The following RUNX2 variants were observed in gnomAD, a reference collection of about 807,000 sequenced individuals.
RUNX2 encodes the protein RUNX family transcription factor 2.
In RUNX2, 10 loss-of-function variants were observed where a neutral mutation model predicts 51.7. The ratio of observed to expected loss-of-function variants is 0.19; its 90% CI spans 0.12 to 0.33. The LOEUF (loss-of-function observed/expected upper bound fraction) is 0.33, where lower values mean the gene tolerates loss of function less well. Ranked by LOEUF, RUNX2 falls within the 10% of genes least tolerant of loss-of-function variation. The pLI, the probability that RUNX2 is intolerant of heterozygous loss-of-function variation, is 1.00. For missense variants in RUNX2, 562 were observed against 691.3 expected (o/e 0.81, Z 2.10); for synonymous variants, 276 against 273.6 (o/e 1.01, Z -0.09).
chr6:45,435,017 A>G lies in RUNX2; in HGVS notation c.581-2930A>G, dbSNP rs555955364. ...ATATTTCTTCTGAAGGGGCAATAAG[A>G]AGCAGAAGGAGCCTCATTCACTTTT... On this transcript the variant is annotated intron_variant, in intron 4 of 8. Coordinates refer to ENST00000647337, the MANE Select transcript of RUNX2 (RefSeq NM_001024630.4). 7.2e-5 allele frequency among the ~76,000 whole-genome samples: 11 copies of G among 152,282 alleles called. No individual in the cohort carries two copies. In the South Asian group the frequency reaches 2.3e-3, roughly 32 times the overall value.
intron 5 of RUNX2, among the ~76,000 whole-genome samples, chr6:45,444,222 T>A (rs754584191): frequency 6.6e-6 from 1 of 152,222 alleles, no homozygotes; most frequent in African/African-American, 2.4e-5. Flanking sequence ...GCAAACCTAC[T>A]GCCTGACACA....
At chr6:45,448,427 G>A (rs955291373) in intron 5 of RUNX2, among the ~76,000 whole-genome samples, 73 of 152,234 alleles carry the variant, frequency 4.8e-4, no homozygotes, top group Middle Eastern at 3.4e-3. Context: ...TAGGGTAAAC[G>A]AATCAACGAA....
intron 5 of RUNX2, among the ~76,000 whole-genome samples, chr6:45,489,918 A>C (rs1038658074): frequency 2.0e-5 from 3 of 152,128 alleles, no homozygotes; most frequent in African/African-American, 7.2e-5. Context: ...CAGCCTTGGC[A>C]CCTCACTGGG....
chr6:45,339,513 C>T (rs1390700586), intron 2 of RUNX2, among the ~76,000 whole-genome samples: 2 of 152,028 alleles, frequency 1.3e-5, no homozygotes, highest in Non-Finnish European at 2.9e-5. Flanking sequence ...CCTTCCTTTT[C>T]TTCCAATAGA....
At chr6:45,503,640 T>C (rs1013175800) in intron 6 of RUNX2, among the ~76,000 whole-genome samples, 4 of 152,226 alleles carry the variant, frequency 2.6e-5, no homozygotes, top group African/African-American at 9.6e-5. Flanking sequence ...AGCTTTGCCG[T>C]TGAGATTCAG....
intron 2 of RUNX2, among the ~76,000 whole-genome samples, chr6:45,373,147 TCA>T (rs1321859430): frequency 6.6e-6 from 1 of 152,082 alleles, no homozygotes; most frequent in Non-Finnish European, 1.5e-5. Context: ...AGACCAGGTC[TCA>T]CTATATTGCC....
intron 6 of RUNX2, among the ~76,000 whole-genome samples, chr6:45,507,038 A>G (rs1800990333): frequency 1.3e-5 from 2 of 151,184 alleles, no homozygotes; most frequent in African/African-American, 4.9e-5. Context: ...TAGGTAGTTC[A>G]TGGCTTTGAG....
In RUNX2 at chr6:45,422,761, C is replaced by T; in HGVS notation, c.227C>T (p.Ala76Val). Residue 76 changes from alanine (A) to valine (V), a missense_variant, in exon 3 of 9, where the codon GCG becomes GTG. Coordinates refer to ENST00000647337, the MANE Select transcript of RUNX2 (RefSeq NM_001024630.4). ...CAGCAGCAGCAGGAGGCGGCGGCGG[C>T]GGCTGCGGCGGCGGCGGCGGCTGCG... ...QQQQQQEAAA[A>V]AAAAAAAAAA... 7.6e-7 allele frequency: 1 copy of T among 1,323,230 alleles called. No individual in the cohort carries two copies. Among genetic ancestry groups the T allele is most frequent in the South Asian group, 1.4e-5 (1 of 72,868 alleles). The allele number at this position is 1,323,230 out of a possible 1,614,324, so 82.0% of individuals were successfully genotyped here.
In RUNX2 at chr6:45,417,533, C is replaced by T. The variant is rs568929540; in HGVS notation, c.59-5060C>T. ...TTCACTTTTAGAGAACTAATCTGAACCACATGCACACCCATTCCAGTATCT... is the reference window on the plus strand; with the variant it reads ...TTCACTTTTAGAGAACTAATCTGAATCACATGCACACCCATTCCAGTATCT... On this transcript the variant is annotated intron_variant, in intron 2 of 8. Transcript: ENST00000647337. Among the ~76,000 whole-genome samples, 258 of 152,302 alleles carry T rather than the reference C, an allele frequency of 1.7e-3. 1 individual carries two copies. The highest frequency in any genetic ancestry group is 5.8e-3 in the African/African-American group (242 of 41,582).
At chr6:45,404,712 G>T (rs563153327) in intron 2 of RUNX2, among the ~76,000 whole-genome samples, 3 of 152,306 alleles carry the variant, frequency 2.0e-5, no homozygotes, top group African/African-American at 7.2e-5. Flanking sequence ...TACCAAAAAA[G>T]TATATTAGAT....
intron 2 of RUNX2, among the ~76,000 whole-genome samples, chr6:45,418,975 T>C (rs2150360045): frequency 6.6e-6 from 1 of 152,224 alleles, no homozygotes; most frequent in East Asian, 1.9e-4. Context: ...AAATAAATAA[T>C]CTCACTATTG....
chr6:45,405,888 C>T (rs985331626), intron 2 of RUNX2, among the ~76,000 whole-genome samples: 2 of 152,136 alleles, frequency 1.3e-5, no homozygotes, highest in Non-Finnish European at 2.9e-5. Flanking sequence ...CGATTTACTA[C>T]TTGTGTGACA....
chr6:45,367,987 T>G (rs1581961908), intron 2 of RUNX2, among the ~76,000 whole-genome samples: 1 of 152,146 alleles, frequency 6.6e-6, no homozygotes, highest in Non-Finnish European at 1.5e-5. Flanking sequence ...TCTTTACACA[T>G]CAAAGTCCTA....
chr6:45,546,296 G>T (rs1315977937), intron 8 of RUNX2, among the ~76,000 whole-genome samples: 2 of 152,068 alleles, frequency 1.3e-5, no homozygotes, highest in African/African-American at 2.4e-5. Flanking sequence ...TTCTTTAAAG[G>T]CCTTAAAGGA....
intron 3 of RUNX2, among the ~76,000 whole-genome samples, chr6:45,427,467 T>C (rs566030052): frequency 6.6e-6 from 1 of 152,250 alleles, no homozygotes; most frequent in South Asian, 2.1e-4. Context: ...TCCTAAGTTC[T>C]AGGATAAATT....
intron 6 of RUNX2, among the ~76,000 whole-genome samples, chr6:45,493,637 C>T (rs964170349): frequency 2.6e-5 from 4 of 151,678 alleles, no homozygotes; most frequent in South Asian, 4.2e-4. Flanking sequence ...TACTTATACC[C>T]CCTAAATATA....
chr6:45,542,516 G>A (rs1321312016), intron 7 of RUNX2, among the ~76,000 whole-genome samples: 1 of 152,128 alleles, frequency 6.6e-6, no homozygotes, highest in South Asian at 2.1e-4. Context: ...AGGTCCTAAG[G>A]GGATCATACC....
rs1398938447 is a variant in RUNX2, at chr6:45,512,421, T to G, written c.1021+14T>G. ...GGCGCATTTCAGGTAAAGACCGTGC[T>G]TTAACTAAAAATCCATCCCTGCACA... On this transcript the variant is annotated intron_variant, in intron 7 of 8. Coordinates refer to ENST00000647337, the MANE Select transcript of RUNX2 (RefSeq NM_001024630.4). The G allele has an allele frequency of 6.2e-6, 10 of 1,613,680 alleles. No individual in the cohort carries two copies. Among genetic ancestry groups the G allele is most frequent in the Non-Finnish European group, 7.6e-6 (9 of 1,179,950 alleles).
rs571741869 is a variant in RUNX2 at position 45,515,586 on chromosome 6, C to A, written c.1021+3179C>A. 2.6e-5 allele frequency among the ~76,000 whole-genome samples: 4 copies of A among 152,256 alleles called. No individual in the cohort carries two copies. The East Asian group carries it at 7.7e-4, about 29-fold the overall frequency. On this transcript the variant is annotated intron_variant, in intron 7 of 8. Transcript: ENST00000647337. ...GACTTTTCCTTCAGAAAATAGATCACCGCAGGGCATATTTAAAACAAAGCC... is the reference window on the plus strand; with the variant it reads ...GACTTTTCCTTCAGAAAATAGATCAACGCAGGGCATATTTAAAACAAAGCC...
Sources: gnomAD v4.1 joint callset for allele counts (sites outside exome capture counted in the v4.1 genomes callset) on GRCh38, gnomAD v4.1.1 for gene constraint, MANE v1.5 for transcripts, NCBI Gene and HGNC (gene_info 2026-07-23, HGNC 2026-07-21) for gene names.